B3GALT1: variants seen among roughly 807,000 people sequenced by gnomAD.
B3GALT1 encodes the protein beta-1,3-galactosyltransferase 1, also known as UDP-Gal:betaGlcNAc beta 1,3-galactosyltransferase, polypeptide 1.
Under a neutral mutation model 23.2 loss-of-function variants are expected in B3GALT1, and 10 were observed. The ratio of observed to expected loss-of-function variants is 0.43; its 90% confidence interval spans 0.27 to 0.73. The LOEUF (loss-of-function observed/expected upper bound fraction) is 0.73, where lower values mean the gene tolerates loss of function less well. B3GALT1 is among the 30% of genes least tolerant of loss of function. The pLI, the probability that B3GALT1 is intolerant of heterozygous loss-of-function variation, is 0.21. For missense variants in B3GALT1, 299 were observed against 405.4 expected (o/e 0.74, Z 2.25); for synonymous variants, 156 against 141.5 (o/e 1.10, Z -0.73).
intron 3 of B3GALT1, among the ~76,000 whole-genome samples, chr2:167,788,369 T>G (rs577790444): frequency 6.6e-6 from 1 of 152,160 alleles, no homozygotes; most frequent in East Asian, 1.9e-4. Flanking sequence ...TATAAGGGAA[T>G]CATTCTACAA....
intron 3 of B3GALT1, among the ~76,000 whole-genome samples, chr2:167,681,980 T>A (rs1170192707): frequency 6.6e-6 from 1 of 152,258 alleles, no homozygotes; most frequent in African/African-American, 2.4e-5. Context: ...CATATTCCAA[T>A]AATTCTAAAA....
At chr2:167,635,465 C>T (rs138026659) in intron 2 of B3GALT1, among the ~76,000 whole-genome samples, 16 of 152,206 alleles carry the variant, frequency 1.1e-4, no homozygotes, top group Middle Eastern at 3.4e-3. Flanking sequence ...TGTCTCAGCC[C>T]GAAATCTCCT....
intron 1 of B3GALT1, among the ~76,000 whole-genome samples, chr2:167,450,926 T>A (rs1373669030): frequency 6.6e-6 from 1 of 152,090 alleles, no homozygotes; most frequent in Non-Finnish European, 1.5e-5. Flanking sequence ...TGGATTATGT[T>A]AATTCGGAAA....
At chr2:167,319,591 CTATT>C (rs1696776321) in intron 1 of B3GALT1, among the ~76,000 whole-genome samples, 2 of 151,962 alleles carry the variant, frequency 1.3e-5, no homozygotes, top group African/African-American at 4.8e-5. Context: ...GGGAATGATA[CTATT>C]GGCTTAATTT....
intron 2 of B3GALT1, among the ~76,000 whole-genome samples, chr2:167,504,391 C>T (rs1043106015): frequency 1.3e-5 from 2 of 152,124 alleles, no homozygotes; most frequent in African/African-American, 4.8e-5. Flanking sequence ...TGAAAACAAA[C>T]ACTACCCAGT....
chr2:167,386,918 C>T (rs149357678), intron 1 of B3GALT1, among the ~76,000 whole-genome samples: 29 of 152,292 alleles, frequency 1.9e-4, no homozygotes, highest in Non-Finnish European at 3.4e-4. Flanking sequence ...GTCGAAGCTG[C>T]GTTAACTGTC....
At chr2:167,595,746 A>G (rs1684763627) in intron 2 of B3GALT1, among the ~76,000 whole-genome samples, 1 of 152,208 alleles carries the variant, frequency 6.6e-6, no homozygotes. Flanking sequence ...TGTGTGAATT[A>G]AAATATGGGC....
intron 3 of B3GALT1, among the ~76,000 whole-genome samples, chr2:167,660,290 GCT>G (rs756490435): frequency 4.7e-4 from 72 of 151,986 alleles, no homozygotes; most frequent in Non-Finnish European, 9.9e-4. Flanking sequence ...TGCTTGTGTG[GCT>G]CTCCACTTTA....
At chr2:167,337,202 G>C (rs1431605721) in intron 1 of B3GALT1, among the ~76,000 whole-genome samples, 1 of 152,148 alleles carries the variant, frequency 6.6e-6, no homozygotes, top group Non-Finnish European at 1.5e-5. Context: ...CAGAGCCAAA[G>C]GATATATTTT....
intron 3 of B3GALT1, among the ~76,000 whole-genome samples, chr2:167,790,142 C>G (rs1438225395): frequency 6.6e-6 from 1 of 152,172 alleles, no homozygotes; most frequent in Non-Finnish European, 1.5e-5. Context: ...CGCTTAACTC[C>G]TAGTCTTGCT....
intron 3 of B3GALT1, among the ~76,000 whole-genome samples, chr2:167,694,429 C>T (rs977815687): frequency 8.6e-5 from 13 of 151,986 alleles, no homozygotes; most frequent in African/African-American, 2.7e-4. Flanking sequence ...ACAAAACTTC[C>T]TCCATTTTGT....
intron 1 of B3GALT1, among the ~76,000 whole-genome samples, chr2:167,432,563 AAAAGAACTTCTC>A (rs1190687566): frequency 6.6e-6 from 1 of 152,198 alleles, no homozygotes; most frequent in Non-Finnish European, 1.5e-5. Flanking sequence ...ATTGGGTTTT[AAAAGAACTTCTC>A]TAACAGCATG....
At chr2:167,820,866 C>T (rs1347608140) in intron 4 of B3GALT1, among the ~76,000 whole-genome samples, 1 of 152,172 alleles carries the variant, frequency 6.6e-6, no homozygotes, top group African/African-American at 2.4e-5. Context: ...CTGCCTGCCT[C>T]AGGCTGTTCT....
intron 3 of B3GALT1, among the ~76,000 whole-genome samples, chr2:167,752,737 A>G (rs971170804): frequency 1.3e-5 from 2 of 152,106 alleles, no homozygotes; most frequent in African/African-American, 4.8e-5. Context: ...AAAAGTCTCA[A>G]CTCAGCAACT....
intron 2 of B3GALT1, among the ~76,000 whole-genome samples, chr2:167,523,860 C>A (rs1683171217): frequency 1.3e-5 from 1 of 79,304 alleles, no homozygotes; most frequent in African/African-American, 5.2e-5. Flanking sequence ...TATAAAGTTG[C>A]CTCATTTTTT....
At chr2:167,379,228 G>C (rs766470130) in intron 1 of B3GALT1, among the ~76,000 whole-genome samples, 1 of 152,108 alleles carries the variant, frequency 6.6e-6, no homozygotes, top group Non-Finnish European at 1.5e-5. Context: ...ATCAGATCTC[G>C]TGAGAACTCT....
intron 3 of B3GALT1, chr2:167,714,581 G>C: frequency 6.2e-7 from 1 of 1,613,612 alleles, no homozygotes; most frequent in Non-Finnish European, 8.5e-7. Context: ...TAAAAGTTCA[G>C]ATTTAAACTC....
intron 2 of B3GALT1, among the ~76,000 whole-genome samples, chr2:167,594,763 G>A (rs1201348552): frequency 1.3e-5 from 2 of 152,114 alleles, no homozygotes; most frequent in Non-Finnish European, 2.9e-5. Flanking sequence ...AAAATTAGCT[G>A]AGTGCGGTGG....
chr2:167,390,193 A>G (rs76349045), intron 1 of B3GALT1, among the ~76,000 whole-genome samples: 2,960 of 152,218 alleles, frequency 0.019, 102 homozygotes, highest in African/African-American at 0.068. Context: ...GCCATGTGCA[A>G]GTGGGGTTAA....
Sources: allele counts gnomAD v4.1 joint callset (sites outside exome capture counted in the v4.1 genomes callset), GRCh38; gene constraint gnomAD v4.1.1; transcripts MANE v1.5; gene names NCBI Gene and HGNC (gene_info 2026-07-23, HGNC 2026-07-21).